The following KLRB1 variants were observed in gnomAD, a reference collection of about 807,000 sequenced individuals.
KLRB1 encodes the protein killer cell lectin like receptor B1, also known as killer cell lectin-like receptor subfamily B member 1.
In KLRB1, 27 loss-of-function variants were observed where a neutral mutation model predicts 33.5. The observed-to-expected ratio is 0.81, with a 90% CI of 0.59 to 1.11. KLRB1 has a LOEUF of 1.11. Among genes scored for constraint, KLRB1 ranks in the 50% most tolerant of loss-of-function variants. The pLI, the probability that KLRB1 is intolerant of heterozygous loss-of-function variation, is 0.00. For missense variants in KLRB1, 241 were observed against 254.1 expected (o/e 0.95, Z 0.35); for synonymous variants, 64 against 88.9 (o/e 0.72, Z 1.58).
chr12:9,596,590 C>G (rs1033272001), intron 5 of KLRB1, among the ~76,000 whole-genome samples: 2 of 152,154 alleles, frequency 1.3e-5, no homozygotes, highest in Admixed American at 1.3e-4. Flanking sequence ...AACGTGATAC[C>G]TTCCAGGTTT....
At chr12:9,602,921 C>T (rs573219255) in intron 1 of KLRB1, among the ~76,000 whole-genome samples, 3 of 152,286 alleles carry the variant, frequency 2.0e-5, no homozygotes, top group East Asian at 1.9e-4. Context: ...GTTTGCAGAC[C>T]TGATAATCTC....
In KLRB1 at chr12:9,602,597, G is replaced by A. The variant is rs544362585; in HGVS notation, c.86-998C>T. Among the ~76,000 whole-genome samples the A allele has an allele frequency of 2.6e-5, 4 of 151,494 alleles. No homozygotes were observed. The South Asian group carries it at 6.2e-4, about 24-fold the overall frequency. ...TGTAAGTCTCCCTCTGCTCTCATTT[G>A]GTTTTTAACATATTAGATATATTAT... On this transcript the variant is annotated intron_variant, in intron 1 of 5. Coordinates refer to ENST00000229402, the MANE Select transcript of KLRB1 (RefSeq NM_002258.3).
intron 5 of KLRB1, among the ~76,000 whole-genome samples, chr12:9,596,922 A>G (rs747983040): frequency 1.1e-4 from 17 of 152,318 alleles, no homozygotes; most frequent in African/African-American, 3.8e-4. Context: ...ATAAAAATCA[A>G]GAGAGATGTT....
At chr12:9,604,918 C>G (rs1332952883) in intron 1 of KLRB1, among the ~76,000 whole-genome samples, 1 of 151,818 alleles carries the variant, frequency 6.6e-6, no homozygotes, top group Non-Finnish European at 1.5e-5. Flanking sequence ...ATACATGTGC[C>G]ATGTTGGTTT....
chr12:9,605,317 T>C (rs573321104), intron 1 of KLRB1, among the ~76,000 whole-genome samples: 2 of 152,238 alleles, frequency 1.3e-5, no homozygotes, highest in Non-Finnish European at 2.9e-5. Flanking sequence ...TGTGTCTTTA[T>C]AGCAGCATGA....
chr12:9,598,261 A>G, intron 4 of KLRB1, 100 bp from the exon 5 acceptor site: 1 of 822,744 alleles, frequency 1.2e-6, no homozygotes, highest in Non-Finnish European at 2.0e-6. Context: ...AGTCTTTCCT[A>G]ACTCGTCGTC....
chr12:9,607,500 T>G (rs1416710745), intron 1 of KLRB1, among the ~76,000 whole-genome samples: 1 of 151,188 alleles, frequency 6.6e-6, no homozygotes, highest in African/African-American at 2.4e-5. Context: ...GTGTTCAGAG[T>G]CTTTTAACCA....
rs1016301735 is a variant in KLRB1, at chr12:9,595,440, G to C, written c.531-19C>G. On this transcript the variant is annotated intron_variant, in intron 5 of 5. Transcript: ENST00000229402. Reference sequence around the variant, plus strand: ...TTCTAAGCTGTGGAGCAAAAGAAAAGTCTGTCTTAGCATTTATGATTTTCT... The same window carrying C: ...TTCTAAGCTGTGGAGCAAAAGAAAACTCTGTCTTAGCATTTATGATTTTCT... 2 of 1,608,620 alleles carry C rather than the reference G, an allele frequency of 1.2e-6. No individual in the cohort carries two copies. The highest frequency in any genetic ancestry group is 1.7e-6 in the Non-Finnish European group (2 of 1,178,516).
At chr12:9,607,155 T>C (rs917923714) in intron 1 of KLRB1, among the ~76,000 whole-genome samples, 3 of 152,128 alleles carry the variant, frequency 2.0e-5, no homozygotes, top group Non-Finnish European at 2.9e-5. Context: ...TAGGTTGTTA[T>C]TACAGCAAGT....
In KLRB1 at chr12:9,607,883, ACT is replaced by A. The variant is rs751524512; in HGVS notation, c.-46_-45del. ...GCATTAAACTTGTGTGTAAGAACAA[ACT>A]CTCAATTCTGTGAGGCAAAATCAGC... On this transcript the variant is annotated 5_prime_UTR_variant, in exon 1 of 6. Coordinates refer to ENST00000229402, the MANE Select transcript of KLRB1 (RefSeq NM_002258.3). 8.0e-6 allele frequency: 11 copies of A among 1,375,262 alleles called. No individual in the cohort carries two copies. The highest frequency in any genetic ancestry group is 1.1e-5 in the Non-Finnish European group (11 of 963,482). The allele number at this position is 1,375,262 out of a possible 1,614,324, so 85.2% of individuals were successfully genotyped here. A position where few individuals can be genotyped will look rare whatever the true frequency, so the allele number is the denominator to read the frequency against.
rs756367942 is a variant in KLRB1 at position 9,601,029 on chromosome 12, A to G, written c.184+472T>C. ...CCGATTGTATGCTCCATCTACTGAG[A>G]TAGGGAAAAACTGCCTTAGGGCTGG... On this transcript the variant is annotated intron_variant, in intron 2 of 5. Transcript: ENST00000229402. Among the ~76,000 whole-genome samples, 229 of 128,564 alleles carry G rather than the reference A, an allele frequency of 1.8e-3. 3 individuals carry two copies. Among genetic ancestry groups the G allele is most frequent in the Admixed American group, 2.4e-3 (28 of 11,618 alleles). The allele number at this position is 128,564 out of a possible 152,430, so 84.3% of individuals were successfully genotyped here. A position where few individuals can be genotyped will look rare whatever the true frequency, so the allele number is the denominator to read the frequency against.
At chr12:9,607,250 C>CTCTTCTTCTTTCTT (rs1864616039) in intron 1 of KLRB1, among the ~76,000 whole-genome samples, 1 of 122,372 alleles carries the variant, frequency 8.2e-6, no homozygotes, top group Non-Finnish European at 1.8e-5. Flanking sequence ...CTTCCTCCTT[C>CTCTTCTTCTTTCTT]TCTTTTTCTT....
intron 1 of KLRB1, among the ~76,000 whole-genome samples, chr12:9,604,953 A>G (rs1378814036): frequency 6.6e-6 from 1 of 152,068 alleles, no homozygotes; most frequent in Non-Finnish European, 1.5e-5. Flanking sequence ...CTCGTCATTT[A>G]CATTAGGTAT....
intron 3 of KLRB1, among the ~76,000 whole-genome samples, chr12:9,599,541 G>T (rs1212865831): frequency 1.3e-5 from 2 of 152,136 alleles, no homozygotes; most frequent in Non-Finnish European, 2.9e-5. Flanking sequence ...AAAACCTTAG[G>T]CTCATAAGTC....
intron 1 of KLRB1, among the ~76,000 whole-genome samples, chr12:9,607,340 CTTTCTTTCTTT>C (rs1565444560): frequency 8.3e-4 from 40 of 48,008 alleles, no homozygotes; most frequent in Middle Eastern, 0.011. Flanking sequence ...TCTTTCCTTT[CTTTCTTTCTTT>C]CTTCCTTTCT....
rs1193440160 is a variant in KLRB1 at position 9,595,277 on chromosome 12, A to C, written c.675T>G (p.Ser225=). ...TAAATTGAGATGGGATTCATAGTCAAGAGTCAGGATACACTTTATTTCTCA... is the reference window on the plus strand; with the variant it reads ...TAAATTGAGATGGGATTCATAGTCACGAGTCAGGATACACTTTATTTCTCA... ...TPVRNKVYPD[S] The change falls in exon 6 of 6, where the codon TCT becomes TCG. Residue 225 remains serine (S), a synonymous_variant. Coordinates refer to ENST00000229402, the MANE Select transcript of KLRB1 (RefSeq NM_002258.3). 8 of 1,613,018 alleles carry C rather than the reference A, an allele frequency of 5.0e-6. No homozygotes were observed. In the South Asian group the frequency reaches 8.8e-5, roughly 18 times the overall value.
chr12:9,603,162 G>A (rs955844750), intron 1 of KLRB1, among the ~76,000 whole-genome samples: 2 of 152,124 alleles, frequency 1.3e-5, no homozygotes, highest in Non-Finnish European at 2.9e-5. Context: ...AAGGCCCCAG[G>A]GATATATCTG....
rs1160589104 is a variant in KLRB1 at position 9,599,807 on chromosome 12, T to C, written c.219A>G (p.Lys73=). ...TSLIQKSSIE[K]CSVDIQQSRN... ...TGCTCTGTTGAATGTCCACACTGCA[T>C]TTTTCTATTGATGATTTCTGTATTA... The change falls in exon 3 of 6, where the codon AAA becomes AAG. Residue 73 remains lysine, a synonymous_variant. Coordinates refer to ENST00000229402, the MANE Select transcript of KLRB1 (RefSeq NM_002258.3). 1.9e-6 allele frequency: 3 copies of C among 1,605,336 alleles called. No homozygotes were observed. Among genetic ancestry groups the C allele is most frequent in the East Asian group, 2.2e-5 (1 of 44,798 alleles).
At position 9,601,491 on chromosome 12, in the gene KLRB1, C is replaced by A; in HGVS notation, c.184+10G>T. 6.3e-7 allele frequency: 1 copy of A among 1,581,388 alleles called. No homozygotes were observed. The highest frequency in any genetic ancestry group is 8.7e-7 in the Non-Finnish European group (1 of 1,150,346). On this transcript the variant is annotated intron_variant, in intron 2 of 5. Coordinates refer to ENST00000229402, the MANE Select transcript of KLRB1 (RefSeq NM_002258.3). Reference sequence around the variant, plus strand: ...AAGTATTATGAAACAGATGATGGTGCCCCACTTACCTGAAACACTCAACCC... The same window carrying A: ...AAGTATTATGAAACAGATGATGGTGACCCACTTACCTGAAACACTCAACCC...
Sources: gnomAD v4.1 joint callset for allele counts (sites outside exome capture counted in the v4.1 genomes callset) on GRCh38, gnomAD v4.1.1 for gene constraint, MANE v1.5 for transcripts, NCBI Gene and HGNC (gene_info 2026-07-23, HGNC 2026-07-21) for gene names.